CCDC88C: variants seen among roughly 807,000 people sequenced by gnomAD.
The protein encoded by CCDC88C is protein Daple.
In CCDC88C, 131 loss-of-function variants were observed where a neutral mutation model predicts 198.8. The observed-to-expected ratio is 0.66, with a 90% CI of 0.57 to 0.76. The LOEUF (loss-of-function observed/expected upper bound fraction) is 0.76, where lower values mean the gene tolerates loss of function less well. Among genes scored for constraint, CCDC88C ranks in the 30% least tolerant of loss-of-function variants. The pLI, the probability that CCDC88C is intolerant of heterozygous loss-of-function variation, is 0.00. For missense variants in CCDC88C, 2,553 were observed against 2,631.6 expected (o/e 0.97, Z 0.65); for synonymous variants, 1,166 against 1,114.7 (o/e 1.05, Z -0.92).
At chr14:91,370,902 A>G (rs1894765251) in intron 3 of CCDC88C, among the ~76,000 whole-genome samples, 1 of 152,240 alleles carries the variant, frequency 6.6e-6, no homozygotes, top group South Asian at 2.1e-4. Context: ...TCAGGTCTGG[A>G]AACCCAGGTC....
At position 91,313,243 on chromosome 14, in the gene CCDC88C, C is replaced by G; in HGVS notation, c.2573G>C (p.Ser858Thr). 1 of 1,614,002 alleles carries G rather than the reference C, an allele frequency of 6.2e-7. No individual in the cohort carries two copies. The highest frequency in any genetic ancestry group is 1.1e-5 in the South Asian group (1 of 91,086). The change falls in exon 15 of 30, where the codon AGC becomes ACC. Residue 858 changes from serine to threonine, a missense_variant. By Grantham distance (58) the Ser-to-Thr change is moderately conservative (BLOSUM62 1). Around this residue, in one of 2 missense-constraint regions of CCDC88C, gnomAD observed 1,260 missense variants for 1,412.0 expected, o/e 0.89. Coordinates refer to ENST00000389857, the MANE Select transcript of CCDC88C (RefSeq NM_001080414.4). This position sits in a 1 kb window ranked among gnomAD's most constrained non-coding sequence, Gnocchi z 5.2. The part of the protein sequence containing the change: ...VELKDAVLDD[S>T]TAKLSAVEKE... Reference sequence around the variant, plus strand: ...CTCAACGGCGGACAGTTTGGCAGTGCTATCGTCCAAGACTGCATCCTTGAG... The same window carrying G: ...CTCAACGGCGGACAGTTTGGCAGTGGTATCGTCCAAGACTGCATCCTTGAG...
chr14:91,315,732 T>G lies in CCDC88C; in HGVS notation c.1583A>C (p.Glu528Ala). ...TCTGATCAGCTCCTCACTGAGGGTCTCCAGATCTTGGTTGCTCTGCTTTTC... is the reference window on the plus strand; with the variant it reads ...TCTGATCAGCTCCTCACTGAGGGTCGCCAGATCTTGGTTGCTCTGCTTTTC... ...EREKQSNQDL[E>A]TLSEELIREK... Residue 528 changes from glutamate (E) to alanine (A), a missense_variant, in exon 14 of 30, where the codon GAG becomes GCG. Physicochemically the swap from Glu to Ala is moderately radical, Grantham distance 107. Coordinates refer to ENST00000389857, the MANE Select transcript of CCDC88C (RefSeq NM_001080414.4). 6.2e-7 allele frequency: 1 copy of G among 1,613,848 alleles called. No individual in the cohort carries two copies. The highest frequency in any genetic ancestry group is 8.5e-7 in the Non-Finnish European group (1 of 1,179,836).
At chr14:91,310,074 T>C (rs1891751957) in intron 15 of CCDC88C, 88 bp from the exon 16 acceptor site, 4 of 1,364,092 alleles carry the variant, frequency 2.9e-6, no homozygotes, top group South Asian at 1.5e-5. Flanking sequence ...TGTGAGCAAC[T>C]GTCCTCCCGG....
At chr14:91,302,063 G>A (rs1891320000) in intron 20 of CCDC88C, among the ~76,000 whole-genome samples, 1 of 152,184 alleles carries the variant, frequency 6.6e-6, no homozygotes, top group Admixed American at 6.5e-5. Flanking sequence ...TGGATAAAAG[G>A]GGTGAAGAAC....
chr14:91,310,942 G>A (rs12897816), intron 15 of CCDC88C, among the ~76,000 whole-genome samples: 75,767 of 152,100 alleles, frequency 0.5, 22,083 homozygotes, highest in Non-Finnish European at 0.65. Flanking sequence ...CAGCCACCCT[G>A]TATCAGCTGA....
At chr14:91,417,513 G>A in intron 1 of CCDC88C, 118 bp downstream of exon 1, 1 of 825,618 alleles carries the variant, frequency 1.2e-6, no homozygotes, top group Non-Finnish European at 1.9e-6. Context: ...CACTTGCTGC[G>A]TCCCTCGCGC....
chr14:91,307,052 C>A lies in CCDC88C; in HGVS notation c.3181G>T (p.Glu1061Ter). Residue 1061 changes from glutamate (E) to a stop codon, truncating the protein, a stop_gained, in exon 18 of 30, where the codon GAG (glutamate) becomes TAG (stop). Transcript: ENST00000389857. LOFTEE classifies it high-confidence loss of function. Reference protein sequence around the residue: ...ELLRVKDRAIELERNNAALQA... With the variant: ...ELLRVKDRAI ...AGCCCACTCACATTCCGCTCCAGCT[C>A]GATGGCCCGGTCCTTCACTCGGAGA... The A allele has an allele frequency of 6.2e-7, 1 of 1,611,942 alleles. No homozygotes were observed. The highest frequency in any genetic ancestry group is 8.5e-7 in the Non-Finnish European group (1 of 1,178,718).
chr14:91,315,916 C>T, intron 13 of CCDC88C, 129 bp from the exon 14 acceptor site: 1 of 934,294 alleles, frequency 1.1e-6, no homozygotes, highest in Non-Finnish European at 1.6e-6. Flanking sequence ...GACCTCCTGA[C>T]ATCATTCTGT....
At chr14:91,401,378 A>G (rs1485076276) in intron 3 of CCDC88C, among the ~76,000 whole-genome samples, 3 of 144,654 alleles carry the variant, frequency 2.1e-5, no homozygotes, top group Admixed American at 7.1e-5. Flanking sequence ...TCTGTCGCGC[A>G]GGCTGGAGTG....
At chr14:91,324,734 G>C in intron 12 of CCDC88C, 45 bp downstream of exon 12, 3 of 1,600,782 alleles carry the variant, frequency 1.9e-6, no homozygotes, top group Non-Finnish European at 2.5e-6. Flanking sequence ...TGGAGGCAGC[G>C]GCGGCCACGG....
rs1189743361 is a variant in CCDC88C at position 91,307,180 on chromosome 14, T to A, written c.3053A>T (p.Gln1018Leu). Residue 1018 changes from glutamine to leucine, a missense_variant, in exon 18 of 30, where the codon CAG becomes CTG. By Grantham distance (113) the Gln-to-Leu change is moderately radical. This residue lies in a region of CCDC88C where 1,260 missense variants were observed against 1,412.0 expected (regional missense o/e 0.89). Coordinates refer to ENST00000389857, the MANE Select transcript of CCDC88C (RefSeq NM_001080414.4). ...ETLRQNQGEG[Q>L]HLQNSFKHPA... ...GTGCTTGAAAGAGTTCTGCAAGTGCTGCCCCTCTCCCTGGTTCTGCCTGAG... is the reference window on the plus strand; with the variant it reads ...GTGCTTGAAAGAGTTCTGCAAGTGCAGCCCCTCTCCCTGGTTCTGCCTGAG... 6.2e-7 allele frequency: 1 copy of A among 1,613,932 alleles called. No individual in the cohort carries two copies. Among genetic ancestry groups the A allele is most frequent in the Admixed American group, 1.7e-5 (1 of 60,030 alleles).
chr14:91,293,544 CT>C (rs1287055636), intron 23 of CCDC88C, among the ~76,000 whole-genome samples: 3 of 28,100 alleles, frequency 1.1e-4, no homozygotes, highest in South Asian at 1.7e-3. Flanking sequence ...CACGGCCCAC[CT>C]TCCTGTCCCC....
At chr14:91,373,469 C>A (rs1386610596) in intron 3 of CCDC88C, among the ~76,000 whole-genome samples, 2 of 152,170 alleles carry the variant, frequency 1.3e-5, no homozygotes, top group Non-Finnish European at 2.9e-5. Context: ...ATAAATAAGA[C>A]TGTAATTACC....
rs149826970 is a variant in CCDC88C, at chr14:91,381,336, G to A, written c.271-21625C>T. The stretch of plus-strand genomic sequence containing the variant: ...CACAGGGTACTGGGGACACAGATGT[G>A]ACCAACCAGCCCGCAAACTTGGGGA... On this transcript the variant is annotated intron_variant, in intron 3 of 29. Coordinates refer to ENST00000389857, the MANE Select transcript of CCDC88C (RefSeq NM_001080414.4). This position sits in a 1 kb window ranked among gnomAD's most constrained non-coding sequence, Gnocchi z 4.2. Among the ~76,000 whole-genome samples, 69 of 152,314 alleles carry A rather than the reference G, an allele frequency of 4.5e-4. No individual in the cohort carries two copies. The highest frequency in any genetic ancestry group is 9.1e-4 in the Non-Finnish European group (62 of 68,026).
chr14:91,346,656 G>A (rs1407548499), intron 4 of CCDC88C, among the ~76,000 whole-genome samples: 1 of 152,160 alleles, frequency 6.6e-6, no homozygotes, highest in Non-Finnish European at 1.5e-5. Flanking sequence ...TGTAATCCTA[G>A]CACTTTGGGA....
At position 91,313,942 on chromosome 14, in the gene CCDC88C, T is replaced by C. The variant is rs1891973245; in HGVS notation, c.1874A>G (p.Glu625Gly). The change falls in exon 15 of 30, where the codon GAG (glutamate) becomes GGG (glycine). Residue 625 changes from glutamate to glycine, a missense_variant. Around this residue, in one of 2 missense-constraint regions of CCDC88C, gnomAD observed 1,260 missense variants for 1,412.0 expected, o/e 0.89. Coordinates refer to ENST00000389857, the MANE Select transcript of CCDC88C (RefSeq NM_001080414.4). The surrounding 1 kb of genome is among the most constrained non-coding windows in gnomAD (Gnocchi z 5.2). Reference sequence around the variant, plus strand: ...CAGCTTCTCTGCCCGCTCCCCCTTCTCCTTGGCCTGCTCCAAGTCCCTGTG... The same window carrying C: ...CAGCTTCTCTGCCCGCTCCCCCTTCCCCTTGGCCTGCTCCAAGTCCCTGTG... ...QLHRDLEQAK[E>G]KGERAEKLER... 1 of 1,613,170 alleles carries C rather than the reference T, an allele frequency of 6.2e-7. No homozygotes were observed. Among genetic ancestry groups the C allele is most frequent in the African/African-American group, 1.3e-5 (1 of 74,866 alleles).
rs370053197 is a variant in CCDC88C at position 91,334,708 on chromosome 14, C to T, written c.1050+3297G>A. The stretch of plus-strand genomic sequence containing the variant: ...CACACTTATTTATTAAAAGCAAACA[C>T]GGGCCCATCGAAGTCACCTGTGCAT... On this transcript the variant is annotated intron_variant, in intron 10 of 29. Transcript: ENST00000389857. Among the ~76,000 whole-genome samples the T allele has an allele frequency of 1.6e-3, 244 of 151,740 alleles. 1 individual carries two copies. Among genetic ancestry groups the T allele is most frequent in the Non-Finnish European group, 2.5e-3 (170 of 67,678 alleles).
At chr14:91,340,425 A>T (rs895805899) in intron 6 of CCDC88C, among the ~76,000 whole-genome samples, 5 of 152,200 alleles carry the variant, frequency 3.3e-5, no homozygotes, top group African/African-American at 9.7e-5. Context: ...CAGCAAAAAT[A>T]TTAATCTTAT....
In CCDC88C at chr14:91,320,863, C is replaced by T. The variant is rs577381593; in HGVS notation, c.1527+257G>A. On this transcript the variant is annotated intron_variant, in intron 13 of 29. Transcript: ENST00000389857. Reference sequence around the variant, plus strand: ...TTTCACAAATGAAGACAATGAGGCACAAGAAAGTCACATGTCCGGGTCATC... The same window carrying T: ...TTTCACAAATGAAGACAATGAGGCATAAGAAAGTCACATGTCCGGGTCATC... Among the ~76,000 whole-genome samples the T allele has an allele frequency of 1.9e-4, 29 of 152,298 alleles. 1 individual carries two copies. Among genetic ancestry groups the T allele is most frequent in the African/African-American group, 6.5e-4 (27 of 41,534 alleles).
Sources: allele counts gnomAD v4.1 joint callset (sites outside exome capture counted in the v4.1 genomes callset), GRCh38; gene constraint gnomAD v4.1.1; regional missense constraint gnomAD v4.1.1; non-coding constraint Gnocchi (gnomAD v3.1); transcripts MANE v1.5; gene names NCBI Gene and HGNC (gene_info 2026-07-23, HGNC 2026-07-21).